GABRG3: variants seen among roughly 807,000 people sequenced by gnomAD.
GABRG3 encodes gamma-aminobutyric acid type A receptor subunit gamma3.
In GABRG3, 25 loss-of-function variants were observed where a neutral mutation model predicts 48.8. The observed-to-expected ratio is 0.51, with a 90% CI of 0.37 to 0.72. The LOEUF is 0.72. GABRG3 is among the 30% of genes least tolerant of loss of function. The pLI is 0.00. For missense variants in GABRG3, 394 were observed against 577.9 expected (o/e 0.68, Z 3.26); for synonymous variants, 227 against 217.6 (o/e 1.04, Z -0.38).
chr15:27,485,218 G>A (rs534881912), intron 6 of GABRG3, among the ~76,000 whole-genome samples: 1 of 152,276 alleles, frequency 6.6e-6, no homozygotes, highest in African/African-American at 2.4e-5. Flanking sequence ...TGGCAAGAAG[G>A]TGGCTATGGA....
At chr15:27,387,935 G>T (rs562102708) in intron 5 of GABRG3, among the ~76,000 whole-genome samples, 1 of 65,056 alleles carries the variant, frequency 1.5e-5, no homozygotes. Context: ...AGGGAGGGAG[G>T]GAAGGAGGGA....
chr15:26,995,628 G>A (rs111372583), intron 2 of GABRG3, among the ~76,000 whole-genome samples: 3 of 151,642 alleles, frequency 2.0e-5, no homozygotes, highest in African/African-American at 7.2e-5. Context: ...AGAGAAGCCT[G>A]TAACAGTAGG....
At chr15:27,267,386 C>T (rs1890954585) in intron 3 of GABRG3, among the ~76,000 whole-genome samples, 1 of 151,786 alleles carries the variant, frequency 6.6e-6, no homozygotes, top group South Asian at 2.1e-4. Flanking sequence ...GGATTACAGG[C>T]ATGAGCCACT....
At chr15:27,317,183 T>C (rs1460938944) in intron 3 of GABRG3, among the ~76,000 whole-genome samples, 1 of 152,178 alleles carries the variant, frequency 6.6e-6, no homozygotes, top group African/African-American at 2.4e-5. Flanking sequence ...TCCTTCTGTG[T>C]TTCTGTGCTC....
intron 5 of GABRG3, among the ~76,000 whole-genome samples, chr15:27,477,389 A>G (rs577736602): frequency 6.6e-6 from 1 of 152,312 alleles, no homozygotes; most frequent in South Asian, 2.1e-4. Context: ...GGAGACGGTA[A>G]AAGGATCAGT....
chr15:27,389,229 G>A (rs1208143588), intron 5 of GABRG3, among the ~76,000 whole-genome samples: 1 of 152,160 alleles, frequency 6.6e-6, no homozygotes, highest in Non-Finnish European at 1.5e-5. Context: ...AGCAACAGAA[G>A]CTACAGAGAG....
At chr15:27,416,522 A>G (rs1319773594) in intron 5 of GABRG3, among the ~76,000 whole-genome samples, 1 of 152,234 alleles carries the variant, frequency 6.6e-6, no homozygotes, top group Non-Finnish European at 1.5e-5. Flanking sequence ...CTGCCAGAGC[A>G]TGAGGGGCCT....
At chr15:27,316,942 G>A (rs961890307) in intron 3 of GABRG3, among the ~76,000 whole-genome samples, 14 of 152,154 alleles carry the variant, frequency 9.2e-5, no homozygotes, top group African/African-American at 3.4e-4. Flanking sequence ...GCAGTGTCTT[G>A]TGAGGTCACG....
At chr15:27,406,267 T>G (rs976238278) in intron 5 of GABRG3, among the ~76,000 whole-genome samples, 2 of 152,184 alleles carry the variant, frequency 1.3e-5, no homozygotes, top group Non-Finnish European at 2.9e-5. Flanking sequence ...TTCAAAATAA[T>G]TTCTGTAGAT....
At chr15:27,083,301 C>A (rs535511245) in intron 3 of GABRG3, among the ~76,000 whole-genome samples, 14 of 151,174 alleles carry the variant, frequency 9.3e-5, no homozygotes, top group Admixed American at 7.9e-4. Flanking sequence ...TCATCTGAAC[C>A]GACAAGTGGT....
At chr15:27,440,362 G>A (rs532490406) in intron 5 of GABRG3, among the ~76,000 whole-genome samples, 1 of 152,266 alleles carries the variant, frequency 6.6e-6, no homozygotes, top group African/African-American at 2.4e-5. Flanking sequence ...TATATTTGAG[G>A]TCTTCATCAG....
intron 5 of GABRG3, among the ~76,000 whole-genome samples, chr15:27,404,172 G>A (rs983971087): frequency 6.6e-6 from 1 of 152,174 alleles, no homozygotes; most frequent in African/African-American, 2.4e-5. Context: ...AGTGAGCCTA[G>A]ATGGTGCCAC....
intron 3 of GABRG3, among the ~76,000 whole-genome samples, chr15:27,291,055 G>A (rs1891779258): frequency 1.3e-5 from 2 of 152,144 alleles, no homozygotes; most frequent in African/African-American, 4.8e-5. Context: ...TGAATTATAA[G>A]TGCCCCAATA....
chr15:27,134,585 C>A (rs1189392775), intron 3 of GABRG3, among the ~76,000 whole-genome samples: 1 of 152,158 alleles, frequency 6.6e-6, no homozygotes, highest in East Asian at 1.9e-4. Flanking sequence ...GGCCTAGTCC[C>A]ACCCATGCCC....
intron 3 of GABRG3, among the ~76,000 whole-genome samples, chr15:27,215,021 G>A (rs977223309): frequency 1.3e-5 from 2 of 152,204 alleles, no homozygotes; most frequent in African/African-American, 4.8e-5. Context: ...TACGAGGATG[G>A]CCAGATTGCA....
At chr15:27,405,500 T>C (rs1332886775) in intron 5 of GABRG3, among the ~76,000 whole-genome samples, 1 of 152,198 alleles carries the variant, frequency 6.6e-6, no homozygotes, top group African/African-American at 2.4e-5. Flanking sequence ...TTATGGGTAA[T>C]TGGTAAAGCT....
chr15:27,284,692 A>G (rs1426882000), intron 3 of GABRG3, among the ~76,000 whole-genome samples: 2 of 152,186 alleles, frequency 1.3e-5, no homozygotes, highest in African/African-American at 4.8e-5. Flanking sequence ...TTCCATGGAG[A>G]CAGAACATAA....
intron 3 of GABRG3, among the ~76,000 whole-genome samples, chr15:27,197,480 T>A (rs1338336238): frequency 6.6e-6 from 1 of 151,884 alleles, no homozygotes; most frequent in African/African-American, 2.4e-5. Flanking sequence ...TTTTTTTTTT[T>A]TTTTTATCAT....
chr15:27,238,073 T>C (rs1379690409), intron 3 of GABRG3, among the ~76,000 whole-genome samples: 2 of 152,246 alleles, frequency 1.3e-5, no homozygotes, highest in Admixed American at 6.5e-5. Context: ...TAGTCGTTCA[T>C]ACTGGACCTG....
Sources: gnomAD v4.1 joint callset for allele counts (sites outside exome capture counted in the v4.1 genomes callset) on GRCh38, gnomAD v4.1.1 for gene constraint, MANE v1.5 for transcripts, NCBI Gene and HGNC (gene_info 2026-07-23, HGNC 2026-07-21) for gene names.